KCNH8: variants seen among roughly 807,000 people sequenced by gnomAD.
KCNH8 encodes the protein voltage-gated delayed rectifier potassium channel KCNH8.
KCNH8 carries 70 observed loss-of-function variants against 103.6 expected under a neutral mutation model. That is an observed-to-expected ratio of 0.68 (90% CI 0.56 to 0.82). The LOEUF (loss-of-function observed/expected upper bound fraction) is 0.82, where lower values mean the gene tolerates loss of function less well. KCNH8 is among the 40% of genes least tolerant of loss of function. The pLI, the probability that KCNH8 is intolerant of heterozygous loss-of-function variation, is 0.00. For synonymous variants in KCNH8, 498 were observed against 489.4 expected (o/e 1.02, Z -0.23); for missense variants, 1,217 against 1,329.9 (o/e 0.92, Z 1.32).
At chr3:19,381,004 T>C (rs573900057) in intron 5 of KCNH8, among the ~76,000 whole-genome samples, 6 of 152,338 alleles carry the variant, frequency 3.9e-5, no homozygotes, top group African/African-American at 1.4e-4. Flanking sequence ...ATTTCAAATA[T>C]AGAACATTTT....
intron 5 of KCNH8, among the ~76,000 whole-genome samples, chr3:19,361,043 A>G (rs2065940497): frequency 6.6e-6 from 1 of 152,114 alleles, no homozygotes; most frequent in Non-Finnish European, 1.5e-5. Context: ...GAAAATAGAA[A>G]AAATGAGGAA....
chr3:19,400,042 T>C (rs1393483562), intron 7 of KCNH8, among the ~76,000 whole-genome samples: 1 of 151,710 alleles, frequency 6.6e-6, no homozygotes, highest in Non-Finnish European at 1.5e-5. Flanking sequence ...CCTGCACCTC[T>C]GATTCACAGT....
chr3:19,458,577 C>G (rs1311280586), intron 11 of KCNH8, among the ~76,000 whole-genome samples: 1 of 151,906 alleles, frequency 6.6e-6, no homozygotes, highest in Non-Finnish European at 1.5e-5. Flanking sequence ...TGCATTTCCT[C>G]ACGTTTATCA....
At chr3:19,239,477 G>A (rs886749795) in intron 1 of KCNH8, among the ~76,000 whole-genome samples, 1 of 152,112 alleles carries the variant, frequency 6.6e-6, no homozygotes, top group Non-Finnish European at 1.5e-5. Context: ...TATCTCATTG[G>A]ACAGGACTTG....
At chr3:19,342,113 T>A (rs756367614) in intron 3 of KCNH8, among the ~76,000 whole-genome samples, 2 of 152,058 alleles carry the variant, frequency 1.3e-5, no homozygotes, top group Admixed American at 6.6e-5. Flanking sequence ...AATATGCAAA[T>A]ATGGAATGAT....
rs1394130257 is a variant in KCNH8 at position 19,170,844 on chromosome 3, C to G, written c.76+22049C>G. Among the ~76,000 whole-genome samples the G allele has an allele frequency of 6.0e-4, 84 of 140,182 alleles. 2 individuals are homozygous for G. The highest frequency in any genetic ancestry group is 3.1e-3 in the Admixed American group (44 of 14,044). 92.0% of individuals were successfully genotyped at this position (140,182 alleles called of 152,430 possible). ...TTTTTTTTTGAGACGAAGTCTCGCGCTCTCGCCCAGGCTGGAGTGCAGTGG... is the reference window on the plus strand; with the variant it reads ...TTTTTTTTTGAGACGAAGTCTCGCGGTCTCGCCCAGGCTGGAGTGCAGTGG... On this transcript the variant is annotated intron_variant, in intron 1 of 15. Transcript: ENST00000328405.
intron 5 of KCNH8, among the ~76,000 whole-genome samples, chr3:19,366,068 T>C (rs1167261352): frequency 6.6e-6 from 1 of 152,054 alleles, no homozygotes; most frequent in Non-Finnish European, 1.5e-5. Context: ...CCTTCGAGCA[T>C]TTTTGGTCAG....
intron 11 of KCNH8, among the ~76,000 whole-genome samples, chr3:19,476,084 G>A (rs985015258): frequency 4.6e-5 from 7 of 152,058 alleles, no homozygotes; most frequent in South Asian, 2.1e-4. Context: ...CTTAAGTTTC[G>A]AAGATTTCTT....
chr3:19,460,755 T>G (rs2067611271), intron 11 of KCNH8, among the ~76,000 whole-genome samples: 1 of 152,170 alleles, frequency 6.6e-6, no homozygotes, highest in African/African-American at 2.4e-5. Flanking sequence ...AATCCCCACA[T>G]ATCATGGGAA....
intron 5 of KCNH8, among the ~76,000 whole-genome samples, chr3:19,349,415 G>T (rs2065770390): frequency 6.6e-6 from 1 of 151,976 alleles, no homozygotes; most frequent in Non-Finnish European, 1.5e-5. Flanking sequence ...CCCATGCCCT[G>T]GTCAAAGTTC....
At chr3:19,160,060 G>A (rs144039075) in intron 1 of KCNH8, among the ~76,000 whole-genome samples, 3 of 152,194 alleles carry the variant, frequency 2.0e-5, no homozygotes, top group African/African-American at 7.2e-5. Context: ...AATTGATGAT[G>A]CATAGATAAC....
intron 7 of KCNH8, among the ~76,000 whole-genome samples, chr3:19,429,297 C>T (rs1331666761): frequency 1.3e-5 from 2 of 151,322 alleles, no homozygotes; most frequent in East Asian, 2.0e-4. Flanking sequence ...CCTCAGCCTC[C>T]GGAGTAGCTG....
chr3:19,430,898 GT>G (rs1184008989), intron 7 of KCNH8, among the ~76,000 whole-genome samples: 1 of 152,136 alleles, frequency 6.6e-6, no homozygotes, highest in African/African-American at 2.4e-5. Context: ...AGACAATGGG[GT>G]TTTCTAGATA....
At chr3:19,166,656 T>G (rs983655430) in intron 1 of KCNH8, among the ~76,000 whole-genome samples, 3 of 152,162 alleles carry the variant, frequency 2.0e-5, no homozygotes, top group Non-Finnish European at 4.4e-5. Context: ...ATTAAATTGT[T>G]GGAATGCTAT....
intron 3 of KCNH8, among the ~76,000 whole-genome samples, chr3:19,304,628 C>G (rs545735342): frequency 1.3e-5 from 2 of 151,836 alleles, no homozygotes; most frequent in African/African-American, 4.8e-5. Flanking sequence ...AGGAATCTTC[C>G]AGAAATTAGA....
chr3:19,188,146 A>G (rs1029232680), intron 1 of KCNH8, among the ~76,000 whole-genome samples: 1 of 152,072 alleles, frequency 6.6e-6, no homozygotes, highest in African/African-American at 2.4e-5. Flanking sequence ...TTCCCACTTT[A>G]TGACCAAATA....
chr3:19,339,921 A>G (rs1481516034), intron 3 of KCNH8, among the ~76,000 whole-genome samples: 1 of 152,058 alleles, frequency 6.6e-6, no homozygotes, highest in African/African-American at 2.4e-5. Context: ...AGTCCCGAAC[A>G]CTGATTGAAG....
rs146546353 is a variant in KCNH8, at chr3:19,226,623, G to GCACACACACACA, written c.77-27021_77-27010dup. ...CTCTGTCACACACACACACATGCATGCACACACACACACACACACACGGGA... is the reference window on the plus strand; with the variant it reads ...CTCTGTCACACACACACACATGCATGCACACACACACACACACACACACACACACACACGGGA... On this transcript the variant is annotated intron_variant, in intron 1 of 15. Coordinates refer to ENST00000328405, the MANE Select transcript of KCNH8 (RefSeq NM_144633.3). 6.3e-3 allele frequency among the ~76,000 whole-genome samples: 925 copies of GCACACACACACA among 145,732 alleles called. 9 individuals carry two copies. The highest frequency in any genetic ancestry group is 0.021 in the African/African-American group (849 of 39,614).
At chr3:19,336,324 C>A (rs2065584702) in intron 3 of KCNH8, among the ~76,000 whole-genome samples, 1 of 151,492 alleles carries the variant, frequency 6.6e-6, no homozygotes, top group African/African-American at 2.4e-5. Flanking sequence ...AAAAATTATA[C>A]AAAAATTTAG....
Sources: allele counts gnomAD v4.1 joint callset (sites outside exome capture counted in the v4.1 genomes callset), GRCh38; gene constraint gnomAD v4.1.1; transcripts MANE v1.5; gene names NCBI Gene and HGNC (gene_info 2026-07-23, HGNC 2026-07-21).